The following TENM2 variants were observed in gnomAD, a reference collection of about 807,000 sequenced individuals.
TENM2 encodes the protein teneurin transmembrane protein 2.
TENM2 carries 52 observed loss-of-function variants against 245.2 expected under a neutral mutation model. The ratio of observed to expected loss-of-function variants is 0.21; its 90% confidence interval spans 0.17 to 0.27. TENM2 has a LOEUF of 0.27. TENM2 is among the 10% of genes least tolerant of loss of function. The pLI is 1.00. For synonymous variants in TENM2, 1,363 were observed against 1,438.9 expected (o/e 0.95, Z 1.19); for missense variants, 3,046 against 3,666.8 (o/e 0.83, Z 4.37).
intron 2 of TENM2, among the ~76,000 whole-genome samples, chr5:167,863,971 A>G (rs1438814018): frequency 1.3e-5 from 2 of 152,138 alleles, no homozygotes; most frequent in East Asian, 3.9e-4. Context: ...TACATTTTCA[A>G]TTCTAATTTC....
intron 3 of TENM2, among the ~76,000 whole-genome samples, chr5:167,940,729 C>T (rs188048103): frequency 2.5e-4 from 38 of 152,278 alleles, no homozygotes; most frequent in Admixed American, 2.1e-3. Context: ...AAGAGACGAA[C>T]CTAGGCTGAT....
At chr5:168,223,479 T>C (rs1167284083) in intron 23 of TENM2, among the ~76,000 whole-genome samples, 2 of 151,464 alleles carry the variant, frequency 1.3e-5, no homozygotes, top group Non-Finnish European at 2.9e-5. Context: ...TCTTTTTTTT[T>C]TTTTTTTGAG....
chr5:168,189,837 G>A (rs1207674794), intron 13 of TENM2, among the ~76,000 whole-genome samples: 3 of 151,976 alleles, frequency 2.0e-5, no homozygotes, highest in Non-Finnish European at 4.4e-5. Context: ...CGAATTCCTG[G>A]GCTCAAGTGA....
intron 13 of TENM2, among the ~76,000 whole-genome samples, chr5:168,178,900 C>G (rs1035440365): frequency 1.3e-5 from 2 of 151,980 alleles, no homozygotes; most frequent in Non-Finnish European, 2.9e-5. Flanking sequence ...TTCGGGAGGC[C>G]GAGGCGGATG....
rs371497946 is a variant in TENM2, at chr5:168,246,844, G to A, written c.5905G>A (p.Val1969Met). 3.4e-5 allele frequency: 55 copies of A among 1,613,752 alleles called. 1 individual carries two copies. Among genetic ancestry groups the A allele is most frequent in the African/African-American group, 6.7e-5 (5 of 74,866 alleles). ...CCTCCTTGCCGTCACCATGCCCAGC[G>A]TGGCCCGGCACAGCATGTCCACACA... Residue 1969 changes from valine (V) to methionine (M), a missense_variant, in exon 27 of 29, where the codon GTG becomes ATG. By Grantham distance (21) the Val-to-Met change is conservative (BLOSUM62 1). Around this residue, in one of 2 missense-constraint regions of TENM2, gnomAD observed 2,704 missense variants for 3,331.9 expected, o/e 0.81. Coordinates refer to ENST00000518659, the Ensembl canonical transcript of TENM2.
At chr5:167,302,938 T>C (rs1396120631) in intron 1 of TENM2, among the ~76,000 whole-genome samples, 2 of 152,022 alleles carry the variant, frequency 1.3e-5, no homozygotes, top group African/African-American at 4.8e-5. Context: ...CCTTCCCGAG[T>C]CCGTGAGCAG....
chr5:167,804,075 G>C (rs538990746), intron 2 of TENM2, among the ~76,000 whole-genome samples: 1 of 151,986 alleles, frequency 6.6e-6, no homozygotes, highest in African/African-American at 2.4e-5. Flanking sequence ...ATGTTTAATG[G>C]GTGTAATGCA....
chr5:167,996,509 G>A (rs1014145062), intron 5 of TENM2, among the ~76,000 whole-genome samples: 1 of 152,178 alleles, frequency 6.6e-6, no homozygotes, highest in Admixed American at 6.5e-5. Flanking sequence ...CTCTCAGGAA[G>A]GTGTCTTTCT....
At chr5:167,984,208 C>T (rs150274816) in intron 4 of TENM2, among the ~76,000 whole-genome samples, 1 of 152,258 alleles carries the variant, frequency 6.6e-6, no homozygotes, top group African/African-American at 2.4e-5. Context: ...TTCTAGGTAC[C>T]ATCCTATTGG....
At chr5:168,077,141 C>G (rs961223782) in intron 7 of TENM2, among the ~76,000 whole-genome samples, 2 of 152,088 alleles carry the variant, frequency 1.3e-5, no homozygotes, top group African/African-American at 4.8e-5. Context: ...GCGTGCCTGG[C>G]CTCATTAAAT....
chr5:167,542,208 GAAGA>G (rs1772256316), intron 2 of TENM2, among the ~76,000 whole-genome samples: 1 of 152,120 alleles, frequency 6.6e-6, no homozygotes, highest in African/African-American at 2.4e-5. Flanking sequence ...AGAAGAGAAG[GAAGA>G]AAGAAAGTGA....
upstream of TENM2, among the ~76,000 whole-genome samples, chr5:167,284,194 G>A (rs1771206076): frequency 6.6e-6 from 1 of 152,236 alleles, no homozygotes; most frequent in Non-Finnish European, 1.5e-5. Context: ...TTGTTTGCAT[G>A]TCGAGAACAA....
chr5:167,368,439 A>G (rs1157921187), intron 1 of TENM2, among the ~76,000 whole-genome samples: 1 of 152,168 alleles, frequency 6.6e-6, no homozygotes, highest in African/African-American at 2.4e-5. Context: ...TTTTCCAAAA[A>G]ATACTTGATG....
At chr5:168,225,337 CA>C (rs1764065023) in intron 23 of TENM2, among the ~76,000 whole-genome samples, 1 of 152,278 alleles carries the variant, frequency 6.6e-6, no homozygotes, top group Admixed American at 6.5e-5. Flanking sequence ...TGGATGGTCT[CA>C]AATGCGAGAT....
At chr5:167,040,749 T>C in the TENM2 span, among the ~76,000 whole-genome samples, 2 of 152,214 alleles carry the variant, frequency 1.3e-5, no homozygotes, top group Admixed American at 6.5e-5. Flanking sequence ...TCCCCACTTA[T>C]TAATTTTGTT....
chr5:168,188,064 C>T (rs781358486), intron 13 of TENM2, among the ~76,000 whole-genome samples: 225 of 152,292 alleles, frequency 1.5e-3, no homozygotes, highest in Admixed American at 3.5e-3. Context: ...AAACATGCAA[C>T]CTCCTAATTT....
chr5:167,166,147 AT>A, the TENM2 span, among the ~76,000 whole-genome samples: 1 of 152,176 alleles, frequency 6.6e-6, no homozygotes, highest in Non-Finnish European at 1.5e-5. Flanking sequence ...TCTTATTATT[AT>A]TTTTTAAATT....
At chr5:167,690,923 ATGTG>A (rs375456466) in intron 2 of TENM2, among the ~76,000 whole-genome samples, 3,071 of 78,630 alleles carry the variant, frequency 0.039, 40 homozygotes, top group Admixed American at 0.054. Context: ...ATATGCGAGT[ATGTG>A]TGTGTGTGTG....
rs1258293228 is a variant in TENM2 at position 168,247,080 on chromosome 5, T to C, written c.6141T>C (p.Gly2047=). 47 of 1,613,700 alleles carry C rather than the reference T, an allele frequency of 2.9e-5. No homozygotes were observed. Among genetic ancestry groups the C allele is most frequent in the Non-Finnish European group, 4.0e-5 (47 of 1,179,860 alleles). The change falls in exon 27 of 29, where the codon GGT becomes GGC. Residue 2047 remains glycine, a synonymous_variant. Coordinates refer to ENST00000518659, the Ensembl canonical transcript of TENM2. The surrounding 1 kb of genome is among the most constrained non-coding windows in gnomAD (Gnocchi z 7.8). Reference sequence around the variant, plus strand: ...CCTTCGGGTATGACGAGACCACTGGTGTCTTGAAGATGGTCAACCTCCAAA... The same window carrying C: ...CCTTCGGGTATGACGAGACCACTGGCGTCTTGAAGATGGTCAACCTCCAAA...
Sources: allele counts gnomAD v4.1 joint callset (sites outside exome capture counted in the v4.1 genomes callset), GRCh38; gene constraint gnomAD v4.1.1; regional missense constraint gnomAD v4.1.1; non-coding constraint Gnocchi (gnomAD v3.1); transcripts MANE v1.5; gene names NCBI Gene and HGNC (gene_info 2026-07-23, HGNC 2026-07-21).